Variants in GRM3 observed in about 807,000 individuals in gnomAD.
GRM3 encodes glutamate metabotropic receptor 3, also known as metabotropic glutamate receptor 3.
GRM3 carries 26 observed loss-of-function variants against 70.5 expected under a neutral mutation model. The observed-to-expected ratio is 0.37, with a 90% CI of 0.27 to 0.51. The LOEUF (loss-of-function observed/expected upper bound fraction) is 0.51. Among genes scored for constraint, GRM3 ranks in the 20% least tolerant of loss-of-function variants. GRM3 has a pLI of 0.93. For missense variants in GRM3, 859 were observed against 1,123.8 expected (o/e 0.76, Z 3.37); for synonymous variants, 443 against 434.9 (o/e 1.02, Z -0.23).
intron 1 of GRM3, among the ~76,000 whole-genome samples, chr7:86,731,131 G>A (rs1795725492): frequency 6.6e-6 from 1 of 152,094 alleles, no homozygotes; most frequent in South Asian, 2.1e-4. Flanking sequence ...CCTAACCTCT[G>A]TAGAGCTATG....
intron 5 of GRM3, among the ~76,000 whole-genome samples, chr7:86,856,078 C>A (rs564519267): frequency 1.3e-5 from 2 of 152,288 alleles, no homozygotes; most frequent in South Asian, 4.1e-4. Flanking sequence ...GTCAAGCCAG[C>A]TGCTTTCATG....
At chr7:86,651,390 G>T (rs1793602762) in intron 1 of GRM3, among the ~76,000 whole-genome samples, 1 of 152,108 alleles carries the variant, frequency 6.6e-6, no homozygotes, top group Non-Finnish European at 1.5e-5. Context: ...AGTAATATTT[G>T]CTTAACAGTT....
chr7:86,817,056 T>G (rs1205784925), intron 3 of GRM3, among the ~76,000 whole-genome samples: 2 of 151,798 alleles, frequency 1.3e-5, no homozygotes, highest in Non-Finnish European at 2.9e-5. Context: ...AAGAGTAAAA[T>G]GAAAAGAAAA....
At chr7:86,805,595 C>T (rs1341056842) in intron 3 of GRM3, among the ~76,000 whole-genome samples, 1 of 152,188 alleles carries the variant, frequency 6.6e-6, no homozygotes, top group Admixed American at 6.5e-5. Context: ...TTCATCTCTT[C>T]CTCCTCCTAA....
chr7:86,734,107 G>A (rs1044636536), intron 1 of GRM3, among the ~76,000 whole-genome samples: 1 of 152,146 alleles, frequency 6.6e-6, no homozygotes, highest in Admixed American at 6.5e-5. Flanking sequence ...GGGGAGAAAA[G>A]ACATCAGACT....
chr7:86,676,339 A>G (rs948070715), intron 1 of GRM3, among the ~76,000 whole-genome samples: 2 of 151,970 alleles, frequency 1.3e-5, no homozygotes, highest in African/African-American at 4.8e-5. Flanking sequence ...TATCTCAATA[A>G]AAGTGTAAGA....
intron 5 of GRM3, among the ~76,000 whole-genome samples, chr7:86,861,778 T>A (rs944856813): frequency 6.6e-6 from 1 of 152,032 alleles, no homozygotes; most frequent in Non-Finnish European, 1.5e-5. Flanking sequence ...GAATAAAGAG[T>A]TAGAGCACAC....
chr7:86,691,233 C>T (rs116714279), intron 1 of GRM3, among the ~76,000 whole-genome samples: 1 of 152,268 alleles, frequency 6.6e-6, no homozygotes, highest in South Asian at 2.1e-4. Context: ...TCATCTTGAT[C>T]ATTGCCATTG....
intron 1 of GRM3, among the ~76,000 whole-genome samples, chr7:86,757,740 G>A (rs1796382258): frequency 6.6e-6 from 1 of 152,026 alleles, no homozygotes; most frequent in African/African-American, 2.4e-5. Flanking sequence ...CAGAATACTG[G>A]GGAATCTATG....
intron 1 of GRM3, among the ~76,000 whole-genome samples, chr7:86,713,239 T>C (rs1795239741): frequency 6.6e-6 from 1 of 152,086 alleles, no homozygotes; most frequent in African/African-American, 2.4e-5. Context: ...TAGTGATGTA[T>C]ATATTTTCAT....
At chr7:86,741,291 G>A (rs753109061) in intron 1 of GRM3, among the ~76,000 whole-genome samples, 4 of 152,038 alleles carry the variant, frequency 2.6e-5, no homozygotes, top group Non-Finnish European at 4.4e-5. Context: ...GCGGTGGGCC[G>A]GACAGGAAAA....
chr7:86,814,793 A>G (rs1201110857), intron 3 of GRM3, among the ~76,000 whole-genome samples: 1 of 151,080 alleles, frequency 6.6e-6, no homozygotes, highest in Non-Finnish European at 1.5e-5. Flanking sequence ...GGTGTAAATT[A>G]TCTAGTAGGC....
intron 3 of GRM3, among the ~76,000 whole-genome samples, chr7:86,790,580 C>T (rs1174439714): frequency 2.0e-5 from 3 of 152,108 alleles, no homozygotes; most frequent in African/African-American, 7.2e-5. Context: ...TAGTGAAAGT[C>T]AACAGCCTTA....
At chr7:86,784,281 G>A (rs727989) in intron 2 of GRM3, 38,463 of 151,590 alleles carry the variant, frequency 0.25, 4,931 homozygotes, top group Middle Eastern at 0.31. Flanking sequence ...CAGCAGTTTA[G>A]GATTGTTTCA....
Position 86,765,572 on chromosome 7 carries a change from G to A in GRM3, c.427G>A (p.Ala143Thr), listed in dbSNP as rs758204448. ...TCAAGAAAACATCCCACTTCTCATT[G>A]CAGGGGTCATTGGTGGCTCTTATAG... ...AIQENIPLLI[A>T]GVIGGSYSSV... Residue 143 changes from alanine (A) to threonine (T), a missense_variant, in exon 2 of 6, where the codon GCA (alanine) becomes ACA (threonine). Physicochemically the swap from Ala to Thr is moderately conservative, Grantham distance 58. Coordinates refer to ENST00000361669, the MANE Select transcript of GRM3 (RefSeq NM_000840.3). 1 of 1,613,458 alleles carries A rather than the reference G, an allele frequency of 6.2e-7. No individual in the cohort carries two copies. Among genetic ancestry groups the A allele is most frequent in the Non-Finnish European group, 8.5e-7 (1 of 1,179,590 alleles).
At chr7:86,851,587 T>C (rs1287270853) in intron 5 of GRM3, among the ~76,000 whole-genome samples, 1 of 152,106 alleles carries the variant, frequency 6.6e-6, no homozygotes, top group Non-Finnish European at 1.5e-5. Flanking sequence ...TACTTCAAAA[T>C]AGCTCAGCAT....
intron 1 of GRM3, among the ~76,000 whole-genome samples, chr7:86,755,347 G>A (rs950976512): frequency 6.6e-6 from 1 of 152,092 alleles, no homozygotes; most frequent in Admixed American, 6.6e-5. Context: ...ACATTCAAAA[G>A]GCTTAACAAC....
At position 86,693,431 on chromosome 7, in the gene GRM3, G is replaced by T. The variant is rs534496988; in HGVS notation, c.-141+48559G>T. Among the ~76,000 whole-genome samples, 4 of 152,256 alleles carry T rather than the reference G, an allele frequency of 2.6e-5. No homozygotes were observed. The South Asian group carries it at 8.3e-4, about 32-fold the overall frequency. Reference sequence around the variant, plus strand: ...GTGCTCAAGTAGGAAGCTTTAACATGAGTAAGCCCACCTAAAGATTGCAGA... The same window carrying T: ...GTGCTCAAGTAGGAAGCTTTAACATTAGTAAGCCCACCTAAAGATTGCAGA... On this transcript the variant is annotated intron_variant, in intron 1 of 5. Transcript: ENST00000361669.
intron 1 of GRM3, among the ~76,000 whole-genome samples, chr7:86,683,852 A>G (rs1377418772): frequency 6.6e-6 from 1 of 152,178 alleles, no homozygotes; most frequent in Non-Finnish European, 1.5e-5. Flanking sequence ...AAGTGATACT[A>G]TAGAGACTAT....
Sources: allele counts gnomAD v4.1 joint callset (sites outside exome capture counted in the v4.1 genomes callset), GRCh38; gene constraint gnomAD v4.1.1; transcripts MANE v1.5; gene names NCBI Gene and HGNC (gene_info 2026-07-23, HGNC 2026-07-21).